Variants in RLN2 observed in about 807,000 individuals in gnomAD.
The protein encoded by RLN2 is prorelaxin H2.
In RLN2, 10 loss-of-function variants were observed where a neutral mutation model predicts 7.3. That is an observed-to-expected ratio of 1.36 (90% CI 0.84 to 2.31). The LOEUF is 2.31. Among genes scored for constraint, RLN2 ranks in the 30% most tolerant of loss-of-function variants. RLN2 has a pLI of 0.00. For synonymous variants in RLN2, 103 were observed against 82.3 expected (o/e 1.25, Z -1.36); for missense variants, 298 against 217.6 (o/e 1.37, Z -2.32).
the RLN2 span, among the ~76,000 whole-genome samples, chr9:5,322,687 A>C: frequency 0.28 from 41,337 of 149,942 alleles, 6,035 homozygotes; most frequent in East Asian, 0.4. Context: ...CCCACAATAG[A>C]ATATGGGGGT....
chr9:5,309,003 C>A (rs914318107), upstream of RLN2, among the ~76,000 whole-genome samples: 11 of 152,070 alleles, frequency 7.2e-5, no homozygotes, highest in Admixed American at 7.2e-4. Context: ...TGTCCTTATC[C>A]TCCATCCTGT....
At chr9:5,325,880 T>G in the RLN2 span, among the ~76,000 whole-genome samples, 1 of 152,186 alleles carries the variant, frequency 6.6e-6, no homozygotes, top group African/African-American at 2.4e-5. Context: ...AAAGGCGATG[T>G]CAAGGGAACA....
the RLN2 span, among the ~76,000 whole-genome samples, chr9:5,310,154 A>G: frequency 6.6e-6 from 1 of 151,980 alleles, no homozygotes; most frequent in Non-Finnish European, 1.5e-5. Context: ...GCAGGGTTTT[A>G]GAGAGGGCTT....
upstream of RLN2, among the ~76,000 whole-genome samples, chr9:5,305,982 C>T (rs1816240580): frequency 1.3e-5 from 2 of 151,564 alleles, no homozygotes; most frequent in African/African-American, 4.9e-5. Flanking sequence ...CCTCTCAAAA[C>T]TGAGGTTTGA....
the RLN2 span, among the ~76,000 whole-genome samples, chr9:5,310,427 G>C: frequency 1.3e-5 from 2 of 151,914 alleles, no homozygotes; most frequent in Non-Finnish European, 2.9e-5. Context: ...AAAGGACTTA[G>C]GATCTATACT....
chr9:5,323,863 A>G, the RLN2 span, among the ~76,000 whole-genome samples: 1 of 151,902 alleles, frequency 6.6e-6, no homozygotes. Context: ...CCTGGCCAAC[A>G]TGGCTAAACT....
chr9:5,326,082 T>C, the RLN2 span, among the ~76,000 whole-genome samples: 1 of 152,236 alleles, frequency 6.6e-6, no homozygotes, highest in East Asian at 1.9e-4. Flanking sequence ...TTTAGGAGCA[T>C]CACATTCAAT....
chr9:5,330,095 G>C, the RLN2 span, among the ~76,000 whole-genome samples: 120 of 152,064 alleles, frequency 7.9e-4, no homozygotes, highest in African/African-American at 2.8e-3. Flanking sequence ...TAGAACTCAG[G>C]ATTAAGAAAC....
At chr9:5,302,875 A>G (rs1430290861) in intron 1 of RLN2, among the ~76,000 whole-genome samples, 6 of 150,640 alleles carry the variant, frequency 4.0e-5, no homozygotes, top group African/African-American at 1.5e-4. Flanking sequence ...ACATATACCT[A>G]TCCAAATGTT....
At chr9:5,334,401 G>C in the RLN2 span, among the ~76,000 whole-genome samples, 1 of 151,950 alleles carries the variant, frequency 6.6e-6, no homozygotes, top group Non-Finnish European at 1.5e-5. Flanking sequence ...TATAAATGCT[G>C]GGTAAAATGC....
the RLN2 span, chr9:5,311,806 T>G: frequency 1.5e-4 from 101 of 670,360 alleles, 2 homozygotes; most frequent in Admixed American, 2.5e-4. Flanking sequence ...AATGCAGAAT[T>G]TTTTTTTTTA....
the RLN2 span, chr9:5,334,834 C>T: frequency 6.5e-6 from 1 of 154,204 alleles, no homozygotes. Flanking sequence ...GCAACAAAAA[C>T]CTTTTGAAAT....
At chr9:5,335,372 G>C in the RLN2 span, 1 of 1,613,480 alleles carries the variant, frequency 6.2e-7, no homozygotes, top group Non-Finnish European at 8.5e-7. Flanking sequence ...TTTTAATTCT[G>C]AAGGATTGCT....
chr9:5,307,299 AGATAGATAGAT>A (rs1816273343), upstream of RLN2, among the ~76,000 whole-genome samples: 2 of 121,380 alleles, frequency 1.6e-5, no homozygotes, highest in African/African-American at 3.5e-5. Flanking sequence ...ATAGATAGAT[AGATAGATAGAT>A]GATAGATAGA....
chr9:5,304,565 A>G lies in RLN2; in HGVS notation c.16T>C (p.Phe6Leu). The G allele has an allele frequency of 6.2e-7, 1 of 1,613,788 alleles. No homozygotes were observed. Among genetic ancestry groups the G allele is most frequent in the East Asian group, 2.2e-5 (1 of 44,856 alleles). MPRLF[F>L]FHLLGVCLLL... ...AAACAGACTCCTAGCAGGTGGAAAAAAAACAGGCGAGGCATCCTGGGCCTG... is the reference window on the plus strand; with the variant it reads ...AAACAGACTCCTAGCAGGTGGAAAAGAAACAGGCGAGGCATCCTGGGCCTG... The change falls in exon 1 of 2, where the codon TTT becomes CTT. Residue 6 changes from phenylalanine (F) to leucine (L), a missense_variant. Phe to Leu is a conservative substitution (Grantham distance 22, BLOSUM62 0). Coordinates refer to ENST00000381627, the MANE Select transcript of RLN2 (RefSeq NM_134441.3).
chr9:5,299,988 C>A lies in RLN2; in HGVS notation c.*110G>T, dbSNP rs1827121994. On this transcript the variant is annotated 3_prime_UTR_variant, in exon 2 of 2. Transcript: ENST00000381627. ...AGAATTGATGGGACCTAATATCTAA[C>A]AAAGATTCTTAGATATTCTAAGAAT... 2 of 638,392 alleles carry A rather than the reference C, an allele frequency of 3.1e-6. No homozygotes were observed. The highest frequency in any genetic ancestry group is 5.2e-6 in the Non-Finnish European group (2 of 384,478). 39.5% of individuals were successfully genotyped at this position (638,392 alleles called of 1,614,324 possible).
the RLN2 span, among the ~76,000 whole-genome samples, chr9:5,325,618 A>T: frequency 6.6e-6 from 1 of 152,052 alleles, no homozygotes; most frequent in African/African-American, 2.4e-5. Flanking sequence ...GGTCTCAAAA[A>T]AATATCTTTT....
upstream of RLN2, among the ~76,000 whole-genome samples, chr9:5,307,549 G>A (rs1816277533): frequency 6.6e-6 from 1 of 151,928 alleles, no homozygotes; most frequent in South Asian, 2.1e-4. Context: ...CAGATTCTGG[G>A]TCCAGAAGCC....
At chr9:5,304,236 G>C (rs536169715) in intron 1 of RLN2, 134 bp downstream of exon 1, 6 of 609,862 alleles carry the variant, frequency 9.8e-6, no homozygotes, top group East Asian at 8.6e-5. Context: ...ACCAGCCACG[G>C]CTGAGTAGGG....
Sources: allele counts gnomAD v4.1 joint callset (sites outside exome capture counted in the v4.1 genomes callset), GRCh38; gene constraint gnomAD v4.1.1; transcripts MANE v1.5; gene names NCBI Gene and HGNC (gene_info 2026-07-23, HGNC 2026-07-21).